The following MAPKAP1 variants were observed in gnomAD, a reference collection of about 807,000 sequenced individuals.
The protein encoded by MAPKAP1 is MAPK associated protein 1.
In MAPKAP1, 20 loss-of-function variants were observed where a neutral mutation model predicts 65.7. The observed-to-expected ratio is 0.30, with a 90% CI of 0.21 to 0.44. The LOEUF (loss-of-function observed/expected upper bound fraction) is 0.44. Ranked by LOEUF, MAPKAP1 falls within the 20% of genes least tolerant of loss-of-function variation. The pLI is 1.00. For missense variants in MAPKAP1, 423 were observed against 648.0 expected (o/e 0.65, Z 3.77); for synonymous variants, 222 against 244.3 (o/e 0.91, Z 0.85).
intron 4 of MAPKAP1, among the ~76,000 whole-genome samples, chr9:125,626,438 T>G (rs1398408112): frequency 2.0e-5 from 3 of 152,198 alleles, no homozygotes; most frequent in African/African-American, 7.2e-5. Context: ...AGATCCAATC[T>G]CTTGTTGGGT....
chr9:125,611,866 T>C (rs1003261669), intron 4 of MAPKAP1, among the ~76,000 whole-genome samples: 4 of 152,142 alleles, frequency 2.6e-5, no homozygotes, highest in Admixed American at 6.5e-5. Context: ...CAGCAGGAAA[T>C]TCAAGCGTAT....
chr9:125,508,796 A>G, intron 7 of MAPKAP1, among the ~76,000 whole-genome samples: 1 of 152,150 alleles, frequency 6.6e-6, no homozygotes, highest in Non-Finnish European at 1.5e-5. Flanking sequence ...GGCTGCAATG[A>G]GCTATGACTG....
At chr9:125,645,931 T>C (rs1429224545) in intron 4 of MAPKAP1, among the ~76,000 whole-genome samples, 1 of 151,744 alleles carries the variant, frequency 6.6e-6, no homozygotes, top group Non-Finnish European at 1.5e-5. Context: ...TTATTCCCCA[T>C]AGGTGCCACT....
At chr9:125,698,314 T>TATAA (rs1835483449) in intron 1 of MAPKAP1, among the ~76,000 whole-genome samples, 1 of 56,302 alleles carries the variant, frequency 1.8e-5, no homozygotes, top group Non-Finnish European at 3.6e-5. Flanking sequence ...TATATATATA[T>TATAA]ATATATATAT....
intron 7 of MAPKAP1, among the ~76,000 whole-genome samples, chr9:125,538,548 TG>T (rs1189708419): frequency 2.0e-5 from 3 of 151,252 alleles, no homozygotes; most frequent in Non-Finnish European, 4.4e-5. Context: ...TTTGGTGGGG[TG>T]GGGGGTTAAG....
In MAPKAP1 at chr9:125,467,355, A is replaced by G. The variant is rs114552853; in HGVS notation, c.1345+617T>C. Among the ~76,000 whole-genome samples, 906 of 152,354 alleles carry G rather than the reference A, an allele frequency of 5.9e-3. 10 individuals are homozygous for G. Among genetic ancestry groups the G allele is most frequent in the African/African-American group, 0.02 (844 of 41,576 alleles). On this transcript the variant is annotated intron_variant, in intron 10 of 11. Transcript: ENST00000265960. ...CACCCAATTACTTAACTGCAAAAGTATAATATGCCAAAATACATAACTGGA... is the reference window on the plus strand; with the variant it reads ...CACCCAATTACTTAACTGCAAAAGTGTAATATGCCAAAATACATAACTGGA...
intron 6 of MAPKAP1, among the ~76,000 whole-genome samples, chr9:125,548,464 G>C (rs1235412455): frequency 6.6e-6 from 1 of 152,176 alleles, no homozygotes; most frequent in Admixed American, 6.5e-5. Context: ...AGCACCAGAA[G>C]GCAGCAGAGC....
intron 7 of MAPKAP1, among the ~76,000 whole-genome samples, chr9:125,508,547 A>G (rs1460701050): frequency 6.6e-6 from 1 of 152,222 alleles, no homozygotes; most frequent in Non-Finnish European, 1.5e-5. Flanking sequence ...TATAAAGTTT[A>G]GCTGTAATAA....
intron 5 of MAPKAP1, among the ~76,000 whole-genome samples, chr9:125,575,133 C>T (rs1589301303): frequency 6.6e-6 from 1 of 152,194 alleles, no homozygotes; most frequent in South Asian, 2.1e-4. Flanking sequence ...AGGATGATTG[C>T]TTTAAGCCAG....
intron 5 of MAPKAP1, among the ~76,000 whole-genome samples, chr9:125,569,468 C>T (rs1209228197): frequency 1.3e-5 from 2 of 152,146 alleles, no homozygotes; most frequent in Non-Finnish European, 2.9e-5. Flanking sequence ...TTCTTTTCTC[C>T]TCCGCGGACT....
At chr9:125,666,893 A>G (rs563595638) in intron 3 of MAPKAP1, among the ~76,000 whole-genome samples, 3 of 152,336 alleles carry the variant, frequency 2.0e-5, no homozygotes, top group South Asian at 4.1e-4. Flanking sequence ...TTGTGCATTG[A>G]TAAGTTTCAC....
At chr9:125,589,561 T>C (rs973103180) in intron 4 of MAPKAP1, among the ~76,000 whole-genome samples, 5 of 152,356 alleles carry the variant, frequency 3.3e-5, no homozygotes, top group Admixed American at 6.5e-5. Flanking sequence ...TTCCTGGTCA[T>C]AGGTGAAAGT....
intron 4 of MAPKAP1, among the ~76,000 whole-genome samples, chr9:125,637,261 TC>T (rs1564595441): frequency 6.6e-6 from 1 of 151,840 alleles, no homozygotes; most frequent in Non-Finnish European, 1.5e-5. Flanking sequence ...AGAGCAAGAC[TC>T]TGTCTCAAAA....
intron 8 of MAPKAP1, among the ~76,000 whole-genome samples, chr9:125,491,348 G>C (rs1275229040): frequency 6.6e-6 from 1 of 151,472 alleles, no homozygotes; most frequent in East Asian, 1.9e-4. Flanking sequence ...GGATGAGGTG[G>C]GATGATCACT....
Position 125,548,000 on chromosome 9 carries a change from A to G in MAPKAP1, c.849-4832T>C, listed in dbSNP as rs374291518. 6.6e-4 allele frequency among the ~76,000 whole-genome samples: 100 copies of G among 152,370 alleles called. No homozygotes were observed. The Middle Eastern group carries it at 0.014, about 21-fold the overall frequency. ...CACAATACAAGTTGTCCACTGTTTA[A>G]CAATTATAACAGCAACTACTATTTA... On this transcript the variant is annotated intron_variant, in intron 6 of 11. Transcript: ENST00000265960.
chr9:125,509,657 ACAGACTGT>A (rs1379352349), intron 7 of MAPKAP1, among the ~76,000 whole-genome samples: 1 of 152,190 alleles, frequency 6.6e-6, no homozygotes, highest in Non-Finnish European at 1.5e-5. Flanking sequence ...AGAGCAGTGC[ACAGACTGT>A]CGGGCTTCTC....
intron 6 of MAPKAP1, among the ~76,000 whole-genome samples, chr9:125,546,720 T>C (rs903706897): frequency 6.6e-6 from 1 of 152,082 alleles, no homozygotes; most frequent in Non-Finnish European, 1.5e-5. Context: ...GTGCTGGTAG[T>C]GGGCAGGAAA....
rs184205403 is a variant in MAPKAP1, at chr9:125,551,070, C to T, written c.849-7902G>A. ...AAGAAACTTTACTGATGGGGTGTGG[C>T]CAATTTTAAAATATCATAAAAAAGA... On this transcript the variant is annotated intron_variant, in intron 6 of 11. Coordinates refer to ENST00000265960, the MANE Select transcript of MAPKAP1 (RefSeq NM_001006617.3). Among the ~76,000 whole-genome samples, 47 of 151,746 alleles carry T rather than the reference C, an allele frequency of 3.1e-4. No individual in the cohort carries two copies. In the East Asian group the frequency reaches 8.7e-3, roughly 28 times the overall value.
intron 4 of MAPKAP1, among the ~76,000 whole-genome samples, chr9:125,591,471 TTACTC>T (rs1831961162): frequency 6.6e-6 from 1 of 151,374 alleles, no homozygotes; most frequent in African/African-American, 2.5e-5. Context: ...ACTCCTCTAT[TTACTC>T]TAAAGAGTAC....
Sources: gnomAD v4.1 joint callset for allele counts (sites outside exome capture counted in the v4.1 genomes callset) on GRCh38, gnomAD v4.1.1 for gene constraint, MANE v1.5 for transcripts, NCBI Gene and HGNC (gene_info 2026-07-23, HGNC 2026-07-21) for gene names.